Variants in CDKAL1 observed in about 807,000 individuals in gnomAD.
CDKAL1 encodes threonylcarbamoyladenosine tRNA methylthiotransferase.
A neutral mutation model predicts 68.2 loss-of-function variants in CDKAL1; 32 were observed. The ratio of observed to expected loss-of-function variants is 0.47; its 90% confidence interval spans 0.35 to 0.63. The LOEUF (loss-of-function observed/expected upper bound fraction) is 0.63. Among genes scored for constraint, CDKAL1 ranks in the 30% least tolerant of loss-of-function variants. The pLI is 0.00. For missense variants in CDKAL1, 606 were observed against 696.7 expected, an observed-to-expected ratio of 0.87 and a Z score of 1.47; for synonymous variants, 234 against 244.3, an observed-to-expected ratio of 0.96 and a Z score of 0.39.
intron 8 of CDKAL1, among the ~76,000 whole-genome samples, chr6:20,789,422 T>G (rs1448100454): frequency 1.3e-5 from 2 of 152,206 alleles, no homozygotes; most frequent in Non-Finnish European, 2.9e-5. Flanking sequence ...TAGTGAATGC[T>G]TTTAAAGAGA....
intron 5 of CDKAL1, among the ~76,000 whole-genome samples, chr6:20,704,402 A>G (rs1771507121): frequency 1.3e-5 from 2 of 152,286 alleles, no homozygotes; most frequent in South Asian, 4.1e-4. Context: ...AGGGACCTGA[A>G]TGAAATAAGG....
intron 11 of CDKAL1, among the ~76,000 whole-genome samples, chr6:21,047,593 A>T (rs1311014381): frequency 6.6e-6 from 1 of 152,174 alleles, no homozygotes; most frequent in African/African-American, 2.4e-5. Flanking sequence ...CTGAGCCTCA[A>T]CTGTCTATGT....
intron 13 of CDKAL1, among the ~76,000 whole-genome samples, chr6:21,121,440 A>G (rs563075229): frequency 6.6e-6 from 1 of 152,350 alleles, no homozygotes; most frequent in East Asian, 1.9e-4. Context: ...ATTAATTCAC[A>G]TAACGCTAAG....
intron 11 of CDKAL1, among the ~76,000 whole-genome samples, chr6:21,020,080 C>A (rs75595024): frequency 0.03 from 4,509 of 152,090 alleles, 95 homozygotes; most frequent in Middle Eastern, 0.068. Flanking sequence ...TCCCCTTTTT[C>A]TTTCACTCTT....
intron 11 of CDKAL1, among the ~76,000 whole-genome samples, chr6:21,041,995 A>G (rs1173284105): frequency 6.6e-6 from 1 of 152,152 alleles, no homozygotes; most frequent in Non-Finnish European, 1.5e-5. Context: ...GATATTTGGT[A>G]TGCATTTTGA....
intron 8 of CDKAL1, among the ~76,000 whole-genome samples, chr6:20,816,619 TGAATA>T (rs1777058050): frequency 1.3e-5 from 2 of 152,114 alleles, no homozygotes; most frequent in African/African-American, 4.8e-5. Flanking sequence ...TATCTCTAAG[TGAATA>T]GAATATGTTT....
chr6:20,907,967 C>T (rs944191652), intron 9 of CDKAL1, among the ~76,000 whole-genome samples: 4 of 152,170 alleles, frequency 2.6e-5, no homozygotes, highest in Non-Finnish European at 5.9e-5. Flanking sequence ...CTGACATCCA[C>T]GGCTCTGTCA....
intron 9 of CDKAL1, among the ~76,000 whole-genome samples, chr6:20,891,864 C>T (rs1761423555): frequency 1.3e-5 from 2 of 152,078 alleles, no homozygotes; most frequent in South Asian, 2.1e-4. Flanking sequence ...GCATAAGGGA[C>T]TCTTCTGCTT....
At chr6:21,062,894 T>C (rs893755226) in intron 11 of CDKAL1, among the ~76,000 whole-genome samples, 2 of 126,358 alleles carry the variant, frequency 1.6e-5, no homozygotes, top group Non-Finnish European at 3.3e-5. Context: ...CATTCTTTCA[T>C]GTAGAACTGT....
chr6:21,077,266 T>C (rs1427664864), intron 12 of CDKAL1, among the ~76,000 whole-genome samples: 1 of 152,198 alleles, frequency 6.6e-6, no homozygotes, highest in Admixed American at 6.5e-5. Context: ...AATTGGTTGA[T>C]CAAATCTTCT....
At chr6:20,787,679 G>C (rs775718675) in intron 8 of CDKAL1, among the ~76,000 whole-genome samples, 4 of 152,182 alleles carry the variant, frequency 2.6e-5, no homozygotes, top group Non-Finnish European at 5.9e-5. Flanking sequence ...CTAGTGTCTG[G>C]AGTGAGAGTG....
At chr6:20,996,593 C>T (rs1330925128) in intron 10 of CDKAL1, among the ~76,000 whole-genome samples, 4 of 152,104 alleles carry the variant, frequency 2.6e-5, no homozygotes, top group African/African-American at 4.8e-5. Context: ...TATATGGGCG[C>T]GGTTTGTGGC....
chr6:20,949,242 T>C (rs1213836745), intron 9 of CDKAL1, among the ~76,000 whole-genome samples: 2 of 152,256 alleles, frequency 1.3e-5, no homozygotes, highest in Non-Finnish European at 2.9e-5. Flanking sequence ...GCTGTTGTTG[T>C]AGGGTAATAA....
At chr6:20,594,610 C>T (rs561192112) in intron 4 of CDKAL1, among the ~76,000 whole-genome samples, 43 of 152,040 alleles carry the variant, frequency 2.8e-4, no homozygotes, top group Non-Finnish European at 5.3e-4. Context: ...TACAGCATGC[C>T]GACGGGTCTT....
chr6:20,579,993 A>G (rs1765075403), intron 4 of CDKAL1, among the ~76,000 whole-genome samples: 1 of 152,202 alleles, frequency 6.6e-6, no homozygotes, highest in South Asian at 2.1e-4. Context: ...AAAGCTAATT[A>G]CATAACCAAT....
chr6:21,073,378 T>G (rs9460595), intron 12 of CDKAL1, among the ~76,000 whole-genome samples: 20,203 of 152,166 alleles, frequency 0.13, 1,426 homozygotes, highest in Middle Eastern at 0.16. Flanking sequence ...GGTAAGAGTA[T>G]GTTTATAGAA....
chr6:20,816,115 A>G lies in CDKAL1; in HGVS notation c.639-29960A>G, dbSNP rs927789770. On this transcript the variant is annotated intron_variant, in intron 8 of 15. Transcript: ENST00000274695. ...ACTGATATCTGGACACATGGCCTTA[A>G]TATGTCCCCCCCCCCGCCTTTTTTT... Among the ~76,000 whole-genome samples, 35 of 91,840 alleles carry G rather than the reference A, an allele frequency of 3.8e-4. 1 individual carries two copies. Among genetic ancestry groups the G allele is most frequent in the Admixed American group, 3.7e-3 (26 of 7,104 alleles). The allele number at this position is 91,840 out of a possible 152,430, so 60.3% of individuals were successfully genotyped here.
chr6:20,878,817 G>A (rs912948676), intron 9 of CDKAL1, among the ~76,000 whole-genome samples: 3 of 151,612 alleles, frequency 2.0e-5, no homozygotes, highest in Admixed American at 6.6e-5. Flanking sequence ...GGTGGCTCAC[G>A]CCTGTAATCC....
intron 4 of CDKAL1, among the ~76,000 whole-genome samples, chr6:20,609,300 C>CCTTCTTCTCCTT (rs146820654): frequency 0.024 from 3,512 of 144,792 alleles, 180 homozygotes; most frequent in African/African-American, 0.083. Context: ...TTCTCCTTCT[C>CCTTCTTCTCCTT]CTCCTCCTCC....
Sources: gnomAD v4.1 joint callset for allele counts (sites outside exome capture counted in the v4.1 genomes callset) on GRCh38, gnomAD v4.1.1 for gene constraint, MANE v1.5 for transcripts, NCBI Gene and HGNC (gene_info 2026-07-23, HGNC 2026-07-21) for gene names.